Variants in CAMTA1 observed in about 807,000 individuals in gnomAD.
The protein encoded by CAMTA1 is calmodulin binding transcription activator 1, also known as calmodulin-binding transcription activator 1.
In CAMTA1, 27 loss-of-function variants were observed where a neutral mutation model predicts 170.9. That is an observed-to-expected ratio of 0.16 (90% CI 0.12 to 0.22). The LOEUF is 0.22. Ranked by LOEUF, CAMTA1 falls within the 10% of genes least tolerant of loss-of-function variation. The pLI, the probability that CAMTA1 is intolerant of heterozygous loss-of-function variation, is 1.00. For missense variants in CAMTA1, 1,619 were observed against 2,217.2 expected (o/e 0.73, Z 5.42); for synonymous variants, 833 against 891.5 (o/e 0.93, Z 1.17).
intron 6 of CAMTA1, among the ~76,000 whole-genome samples, chr1:7,533,184 C>T (rs1350606682): frequency 6.6e-6 from 1 of 152,188 alleles, no homozygotes; most frequent in Non-Finnish European, 1.5e-5. Context: ...GGCACCCCTC[C>T]CCTGCTGCAC....
At chr1:6,821,796 T>C (rs536531753) in intron 2 of CAMTA1, among the ~76,000 whole-genome samples, 17 of 152,288 alleles carry the variant, frequency 1.1e-4, no homozygotes, top group Non-Finnish European at 1.9e-4. Context: ...GATTTGGCAA[T>C]GTGAATCTCA....
intron 3 of CAMTA1, among the ~76,000 whole-genome samples, chr1:6,960,580 A>C (rs973289288): frequency 1.3e-5 from 2 of 152,162 alleles, no homozygotes; most frequent in Non-Finnish European, 2.9e-5. Flanking sequence ...AGCAAAATTA[A>C]TCACTCCTCC....
In CAMTA1 at chr1:7,681,773, GT is replaced by G; in HGVS notation, c.2914+4043del. On this transcript the variant is annotated intron_variant, in intron 11 of 22. Coordinates refer to ENST00000303635, the MANE Select transcript of CAMTA1 (RefSeq NM_015215.4). The surrounding 1 kb of genome is among the most constrained non-coding windows in gnomAD (Gnocchi z 4.6). Reference sequence around the variant, plus strand: ...TAGATTTGGCCTCGCCTGTGCCTGTGTTTACAAAGAGAATAAACCCAGGCAG... The same window carrying G: ...TAGATTTGGCCTCGCCTGTGCCTGTGTTACAAAGAGAATAAACCCAGGCAG... Among the ~76,000 whole-genome samples the G allele has an allele frequency of 6.7e-6, 1 of 149,140 alleles. No individual in the cohort carries two copies. The highest frequency in any genetic ancestry group is 2.1e-4 in the South Asian group (1 of 4,666).
chr1:7,270,274 C>CACACAT (rs71299822), intron 5 of CAMTA1, among the ~76,000 whole-genome samples: 6 of 29,710 alleles, frequency 2.0e-4, no homozygotes, highest in East Asian at 1.3e-3. Flanking sequence ...CACACACACA[C>CACACAT]ATATATATAT....
intron 3 of CAMTA1, among the ~76,000 whole-genome samples, chr1:7,015,118 G>T (rs1181494019): frequency 6.6e-6 from 1 of 152,178 alleles, no homozygotes; most frequent in Non-Finnish European, 1.5e-5. Context: ...ATGGACGGAT[G>T]TCTTGGAATT....
intron 11 of CAMTA1, among the ~76,000 whole-genome samples, chr1:7,699,290 C>A (rs557703987): frequency 6.6e-6 from 1 of 151,842 alleles, no homozygotes; most frequent in Admixed American, 6.6e-5. Flanking sequence ...CTCCTCAGCT[C>A]CCCCCCACCA....
At chr1:6,964,622 C>T (rs1361752458) in intron 3 of CAMTA1, among the ~76,000 whole-genome samples, 1 of 152,142 alleles carries the variant, frequency 6.6e-6, no homozygotes, top group Non-Finnish European at 1.5e-5. Context: ...TATTCTCTTG[C>T]CCCCACAGGC....
chr1:7,014,079 G>A lies in CAMTA1; in HGVS notation c.235-77225G>A, dbSNP rs1423054834. Among the ~76,000 whole-genome samples, 5 of 152,230 alleles carry A rather than the reference G, an allele frequency of 3.3e-5. No homozygotes were observed. Among genetic ancestry groups the A allele is most frequent in the African/African-American group, 1.2e-4 (5 of 41,468 alleles). On this transcript the variant is annotated intron_variant, in intron 3 of 22. Transcript: ENST00000303635. This position sits in a 1 kb window ranked among gnomAD's most constrained non-coding sequence, Gnocchi z 4.2. The stretch of plus-strand genomic sequence containing the variant: ...GGAGATAGGGAACCTGTCGAGTGCG[G>A]TTCTGAAGGGCTTGCTCTGCCAAGG...
chr1:7,615,838 C>G (rs2095555476), intron 6 of CAMTA1, among the ~76,000 whole-genome samples: 1 of 152,210 alleles, frequency 6.6e-6, no homozygotes, highest in East Asian at 1.9e-4. Flanking sequence ...ATGGAGTGAC[C>G]TTAAGCCAGT....
intron 5 of CAMTA1, among the ~76,000 whole-genome samples, chr1:7,450,572 G>T (rs2092798962): frequency 6.6e-6 from 1 of 152,214 alleles, no homozygotes; most frequent in Non-Finnish European, 1.5e-5. Flanking sequence ...CGGGGCTGCA[G>T]GCCCCACCGC....
At chr1:7,539,024 G>A (rs932837626) in intron 6 of CAMTA1, among the ~76,000 whole-genome samples, 3 of 152,152 alleles carry the variant, frequency 2.0e-5, no homozygotes, top group East Asian at 1.9e-4. Flanking sequence ...AGTTCCCCTC[G>A]GAGATCACAG....
At chr1:7,719,525 T>C (rs1396035365) in intron 11 of CAMTA1, among the ~76,000 whole-genome samples, 1 of 152,238 alleles carries the variant, frequency 6.6e-6, no homozygotes, top group East Asian at 1.9e-4. Flanking sequence ...TAAGCAGCAT[T>C]GCTCATTGCC....
At chr1:7,026,617 T>G (rs1167623732) in intron 3 of CAMTA1, among the ~76,000 whole-genome samples, 2 of 149,314 alleles carry the variant, frequency 1.3e-5, no homozygotes, top group Non-Finnish European at 3.0e-5. Flanking sequence ...AACTAAGGGC[T>G]GGGAGGATGG....
intron 4 of CAMTA1, among the ~76,000 whole-genome samples, chr1:7,129,313 T>C (rs1019631960): frequency 6.6e-6 from 1 of 152,344 alleles, no homozygotes; most frequent in African/African-American, 2.4e-5. Flanking sequence ...TCAGACCTTG[T>C]TACAGACCAA....
At chr1:7,031,850 CT>C (rs1372827857) in intron 3 of CAMTA1, among the ~76,000 whole-genome samples, 1 of 152,010 alleles carries the variant, frequency 6.6e-6, no homozygotes, top group Non-Finnish European at 1.5e-5. Context: ...CAATCTCTGT[CT>C]TTTATTTGAA....
rs1220938038 is a variant in CAMTA1 at position 7,249,586 on chromosome 1, C to T, written c.398C>T (p.Thr133Ile). The change falls in exon 5 of 23, where the codon ACC (threonine) becomes ATC (isoleucine). Residue 133 changes from threonine to isoleucine, a missense_variant. Around this residue, in one of 8 missense-constraint regions of CAMTA1, gnomAD observed 97 missense variants for 225.4 expected, o/e 0.43. Coordinates refer to ENST00000303635, the MANE Select transcript of CAMTA1 (RefSeq NM_015215.4). The surrounding 1 kb of genome is among the most constrained non-coding windows in gnomAD (Gnocchi z 4.4). ...AAAAAGAGGAAAGATGGGAAAACGA[C>T]CAGAGAGGACCACATGAAACTCAAG... is the stretch of plus-strand genomic sequence containing the variant. ...CWKKRKDGKT[T>I]REDHMKLKVQ... 1.2e-6 allele frequency: 2 copies of T among 1,614,034 alleles called. No homozygotes were observed.
intron 5 of CAMTA1, among the ~76,000 whole-genome samples, chr1:7,412,716 T>G (rs1488802644): frequency 1.3e-5 from 2 of 152,220 alleles, no homozygotes; most frequent in East Asian, 3.9e-4. Flanking sequence ...GCCTGTTCAC[T>G]CTGATGGTAG....
intron 5 of CAMTA1, among the ~76,000 whole-genome samples, chr1:7,284,136 T>C (rs1257688333): frequency 1.4e-5 from 1 of 72,120 alleles, no homozygotes; most frequent in Non-Finnish European, 2.7e-5. Context: ...GTTCTTCTTC[T>C]TCTTCTTCTT....
chr1:7,204,139 A>G (rs893998149), intron 4 of CAMTA1, among the ~76,000 whole-genome samples: 3 of 151,292 alleles, frequency 2.0e-5, no homozygotes, highest in Admixed American at 6.6e-5. Flanking sequence ...TGCCAGGCCA[A>G]TTTTCTTTAT....
Sources: allele counts gnomAD v4.1 joint callset (sites outside exome capture counted in the v4.1 genomes callset), GRCh38; gene constraint gnomAD v4.1.1; regional missense constraint gnomAD v4.1.1; non-coding constraint Gnocchi (gnomAD v3.1); transcripts MANE v1.5; gene names NCBI Gene and HGNC (gene_info 2026-07-23, HGNC 2026-07-21).